GGT5: variants seen among roughly 807,000 people sequenced by gnomAD.
GGT5 encodes glutathione hydrolase 5 proenzyme.
In GGT5, 50 loss-of-function variants were observed where a neutral mutation model predicts 58.1. The ratio of observed to expected loss-of-function variants is 0.86; its 90% confidence interval spans 0.69 to 1.09. The LOEUF (loss-of-function observed/expected upper bound fraction) is 1.09, where lower values mean the gene tolerates loss of function less well. Ranked by LOEUF, GGT5 falls within the 50% of genes least tolerant of loss-of-function variation. The pLI is 0.00. For missense variants in GGT5, 800 were observed against 789.4 expected (o/e 1.01, Z -0.16); for synonymous variants, 370 against 346.1 (o/e 1.07, Z -0.77).
chr22:24,230,465 G>A (rs1211044774), intron 6 of GGT5, among the ~76,000 whole-genome samples: 1 of 151,954 alleles, frequency 6.6e-6, no homozygotes, highest in African/African-American at 2.4e-5. Flanking sequence ...GGCTGAGTCA[G>A]GAGAATCACT....
intron 1 of GGT5, among the ~76,000 whole-genome samples, chr22:24,238,839 ATATATATT>A (rs2048209998): frequency 8.6e-5 from 1 of 11,652 alleles, no homozygotes; most frequent in South Asian, 2.2e-3. Context: ...ATATTTATAT[ATATATATT>A]ATATATATTA....
In GGT5 at chr22:24,239,129, G is replaced by A. The variant is rs1381261967; in HGVS notation, c.174-5125C>T. Among the ~76,000 whole-genome samples, 4 of 147,326 alleles carry A rather than the reference G, an allele frequency of 2.7e-5. No homozygotes were observed. In the East Asian group the frequency reaches 8.1e-4, roughly 30 times the overall value. ...CCGAGGCGGGTGTATCATGAGGTTA[G>A]GAGATCGAGACCATCCTGGCTAACA... On this transcript the variant is annotated intron_variant, in intron 1 of 11. Transcript: ENST00000327365.
At chr22:24,231,966 G>A in intron 5 of GGT5, 85 bp downstream of exon 5, 2 of 1,174,744 alleles carry the variant, frequency 1.7e-6, no homozygotes, top group South Asian at 2.6e-5. Context: ...CAGGGCCTGG[G>A]AAGGAGCCTG....
rs925985206 is a variant in GGT5, at chr22:24,244,958, C to T, written c.-233G>A. 3.0e-6 allele frequency: 2 copies of T among 664,916 alleles called. No individual in the cohort carries two copies. The highest frequency in any genetic ancestry group is 6.1e-5 in the Admixed American group (2 of 32,656). 41.2% of individuals were successfully genotyped at this position (664,916 alleles called of 1,614,324 possible). ...AGACAATGGGACAGAGATGGGCTTACAGATGGGCGGACAGACAGACAGGTC... is the reference window on the plus strand; with the variant it reads ...AGACAATGGGACAGAGATGGGCTTATAGATGGGCGGACAGACAGACAGGTC... On this transcript the variant is annotated 5_prime_UTR_variant, in exon 1 of 12. Transcript: ENST00000327365.
At chr22:24,225,690 C>T (rs753960025) in intron 8 of GGT5, 38 bp from the exon 9 acceptor site, 21 of 1,297,898 alleles carry the variant, frequency 1.6e-5, no homozygotes, top group Non-Finnish European at 2.0e-5. Context: ...GGCTAGGACC[C>T]GGGGCTCCCA....
chr22:24,244,382 T>A, intron 1 of GGT5, 171 bp downstream of exon 1: 1 of 624,836 alleles, frequency 1.6e-6, no homozygotes, highest in Non-Finnish European at 2.9e-6. Context: ...CTCCCCACAC[T>A]CACACTCACA....
chr22:24,235,671 T>A (rs1464531242), intron 1 of GGT5, among the ~76,000 whole-genome samples: 3 of 152,124 alleles, frequency 2.0e-5, no homozygotes, highest in Non-Finnish European at 4.4e-5. Context: ...TTTATAAGAA[T>A]AAAACACCAT....
At chr22:24,244,488 A>T in intron 1 of GGT5, 65 bp downstream of exon 1, 1 of 1,365,104 alleles carries the variant, frequency 7.3e-7, no homozygotes, top group South Asian at 1.2e-5. Flanking sequence ...ACACACACAC[A>T]CACGCCTTCT....
chr22:24,233,577 G>A lies in GGT5; in HGVS notation c.321C>T (p.Ile107=). 6.2e-7 allele frequency: 1 copy of A among 1,607,896 alleles called. No homozygotes were observed. Among genetic ancestry groups the A allele is most frequent in the Non-Finnish European group, 8.5e-7 (1 of 1,177,704 alleles). ...YNVTTGKVEV[I]NARETVPASH... ...TGGCCGGCACCGTCTCCCGGGCATTGATGACCTCCACCTTCCCTGGAGTAG... is the reference window on the plus strand; with the variant it reads ...TGGCCGGCACCGTCTCCCGGGCATTAATGACCTCCACCTTCCCTGGAGTAG... The change falls in exon 3 of 12, where the codon ATC becomes ATT. Residue 107 remains isoleucine, a synonymous_variant. Coordinates refer to ENST00000327365, the MANE Select transcript of GGT5 (RefSeq NM_004121.5).
intron 1 of GGT5, among the ~76,000 whole-genome samples, chr22:24,238,819 A>T (rs1424666238): frequency 7.4e-5 from 1 of 13,480 alleles, no homozygotes; most frequent in Non-Finnish European, 1.1e-4. Flanking sequence ...TATATTATAT[A>T]TATATATATA....
intron 1 of GGT5, among the ~76,000 whole-genome samples, chr22:24,238,889 T>A (rs1405097052): frequency 1.1e-4 from 1 of 8,888 alleles, no homozygotes; most frequent in Admixed American, 2.6e-3. Flanking sequence ...ATATTATATA[T>A]TTTATATATA....
intron 1 of GGT5, among the ~76,000 whole-genome samples, chr22:24,234,632 C>T (rs1399402665): frequency 6.6e-6 from 1 of 152,084 alleles, no homozygotes; most frequent in Non-Finnish European, 1.5e-5. Flanking sequence ...CCAGCTTGGC[C>T]AACATGGTGA....
At chr22:24,221,785 C>T (rs1304742019) in intron 11 of GGT5, among the ~76,000 whole-genome samples, 2 of 151,664 alleles carry the variant, frequency 1.3e-5, no homozygotes, top group Admixed American at 6.6e-5. Flanking sequence ...GGATTGTAGG[C>T]GGGAGCCACC....
chr22:24,233,697 C>T (rs2048018079), intron 2 of GGT5, 104 bp from the exon 3 acceptor site: 2 of 869,786 alleles, frequency 2.3e-6, no homozygotes, highest in Non-Finnish European at 1.8e-6. Context: ...GGACTCTGGG[C>T]TAACACAGGG....
intron 8 of GGT5, among the ~76,000 whole-genome samples, 172 bp downstream of exon 8, chr22:24,225,904 C>T (rs2047745853): frequency 6.6e-6 from 1 of 152,196 alleles, no homozygotes; most frequent in South Asian, 2.1e-4. Context: ...CAGCAGCAGC[C>T]TTTCCAGCCA....
At chr22:24,225,213 G>C in intron 10 of GGT5, 32 bp downstream of exon 10, 2 of 1,607,004 alleles carry the variant, frequency 1.2e-6, no homozygotes, top group Non-Finnish European at 1.7e-6. Context: ...TGCCCAGAGA[G>C]GAGACACTCG....
In GGT5 at chr22:24,244,551, A is replaced by G; in HGVS notation, c.173+2T>C. Reference sequence around the variant, plus strand: ...CCCAGCTTCCTCCCACGTCTCACTCACCGTCCAATATCCGAGCAGACCTTG... The same window carrying G: ...CCCAGCTTCCTCCCACGTCTCACTCGCCGTCCAATATCCGAGCAGACCTTG... On this transcript the variant is annotated splice_donor_variant, in intron 1 of 11. Transcript: ENST00000327365. LOFTEE classifies it high-confidence loss of function. 6.2e-7 allele frequency: 1 copy of G among 1,609,528 alleles called. No individual in the cohort carries two copies. The highest frequency in any genetic ancestry group is 8.5e-7 in the Non-Finnish European group (1 of 1,177,984).
Position 24,226,197 on chromosome 22 carries a change from C to A in GGT5, c.1108G>T (p.Asp370Tyr), listed in dbSNP as rs779678448. The A allele has an allele frequency of 9.3e-6, 15 of 1,608,180 alleles. No individual in the cohort carries two copies. Among genetic ancestry groups the A allele is most frequent in the Non-Finnish European group, 1.3e-5 (15 of 1,178,800 alleles). The part of the protein sequence containing the change: ...LIRQQIDGRG[D>Y]HQLSHYSLAE... ...AAGCTGTAGTGGCTGAGCTGGTGGT[C>A]CCCCCGGCCATCGATCTGTTGGCGG... is the stretch of plus-strand genomic sequence containing the variant. The change falls in exon 8 of 12, where the codon GAC (aspartate) becomes TAC (tyrosine). Residue 370 changes from aspartate to tyrosine, a missense_variant. Asp to Tyr is a radical substitution (Grantham distance 160). Coordinates refer to ENST00000327365, the MANE Select transcript of GGT5 (RefSeq NM_004121.5).
rs758590386 is a variant in GGT5, at chr22:24,219,928, C to T, written c.*42G>A. On this transcript the variant is annotated 3_prime_UTR_variant, in exon 12 of 12. Transcript: ENST00000327365. Reference sequence around the variant, plus strand: ...AGCCATGTCCGGCCTGGACACAGGACTCATGGTGGGGCCAGACTTCAGCTC... The same window carrying T: ...AGCCATGTCCGGCCTGGACACAGGATTCATGGTGGGGCCAGACTTCAGCTC... 1.1e-5 allele frequency: 18 copies of T among 1,603,612 alleles called. No homozygotes were observed. The highest frequency in any genetic ancestry group is 3.4e-4 in the Middle Eastern group (2 of 5,804).
Sources: gnomAD v4.1 joint callset for allele counts (sites outside exome capture counted in the v4.1 genomes callset) on GRCh38, gnomAD v4.1.1 for gene constraint, MANE v1.5 for transcripts, NCBI Gene and HGNC (gene_info 2026-07-23, HGNC 2026-07-21) for gene names.